The following CTNND2 variants were observed in gnomAD, a reference collection of about 807,000 sequenced individuals.
CTNND2 encodes the protein catenin delta-2.
In CTNND2, 22 loss-of-function variants were observed where a neutral mutation model predicts 144.4. That is an observed-to-expected ratio of 0.15 (90% CI 0.11 to 0.22). The LOEUF (loss-of-function observed/expected upper bound fraction) is 0.22, where lower values mean the gene tolerates loss of function less well. CTNND2 is among the 10% of genes least tolerant of loss of function. The probability of loss-of-function intolerance (pLI) is 1.00; values close to 1 mark genes in which losing one functional copy is unlikely to be tolerated. For synonymous variants in CTNND2, 751 were observed against 695.6 expected (o/e 1.08, Z -1.25); for missense variants, 1,353 against 1,618.8 (o/e 0.84, Z 2.82).
chr5:11,822,514 C>A (rs745473945), intron 1 of CTNND2, among the ~76,000 whole-genome samples: 1 of 151,984 alleles, frequency 6.6e-6, no homozygotes, highest in African/African-American at 2.4e-5. Context: ...AAATAATTTC[C>A]GCATCCTGGT....
intron 2 of CTNND2, among the ~76,000 whole-genome samples, chr5:11,601,685 T>C (rs951388238): frequency 6.6e-6 from 1 of 152,186 alleles, no homozygotes; most frequent in African/African-American, 2.4e-5. Context: ...TGGATTTACA[T>C]AAATTATCAC....
chr5:11,204,609 T>C (rs1737848508), intron 10 of CTNND2, among the ~76,000 whole-genome samples: 1 of 152,188 alleles, frequency 6.6e-6, no homozygotes, highest in Admixed American at 6.5e-5. Flanking sequence ...ATATTGACAA[T>C]AGCATATATT....
At chr5:11,358,741 T>G (rs1178217922) in intron 8 of CTNND2, among the ~76,000 whole-genome samples, 1 of 151,530 alleles carries the variant, frequency 6.6e-6, no homozygotes, top group Non-Finnish European at 1.5e-5. Context: ...AGGATTACGT[T>G]TTTTTTAGAG....
Position 11,228,637 on chromosome 5 carries a change from C to T in CTNND2, c.1761+8054G>A, listed in dbSNP as rs1007572514. On this transcript the variant is annotated intron_variant, in intron 10 of 21. Coordinates refer to ENST00000304623, the MANE Select transcript of CTNND2 (RefSeq NM_001332.4). ...AGTAGCAGGGACTACAGTGGGGCAC[C>T]ACCATGCCCAGCTAATTTTTGCATT... 8.6e-5 allele frequency among the ~76,000 whole-genome samples: 13 copies of T among 152,036 alleles called. 1 individual carries two copies. Among genetic ancestry groups the T allele is most frequent in the Admixed American group, 3.9e-4 (6 of 15,268 alleles).
chr5:11,787,377 A>T (rs1790890682), intron 1 of CTNND2, among the ~76,000 whole-genome samples: 1 of 152,192 alleles, frequency 6.6e-6, no homozygotes, highest in Non-Finnish European at 1.5e-5. Flanking sequence ...CAACACTAAT[A>T]ACTGTAATGC....
At chr5:11,043,291 A>G (rs1414668747) in intron 16 of CTNND2, among the ~76,000 whole-genome samples, 2 of 152,210 alleles carry the variant, frequency 1.3e-5, no homozygotes, top group Non-Finnish European at 1.5e-5. Flanking sequence ...CTCAGGCTAT[A>G]TAATATTGAC....
intron 11 of CTNND2, among the ~76,000 whole-genome samples, chr5:11,181,019 T>G (rs1266263197): frequency 3.3e-5 from 5 of 152,072 alleles, no homozygotes. Context: ...TGGGATGTGT[T>G]TGGGCAGGTT....
intron 3 of CTNND2, among the ~76,000 whole-genome samples, chr5:11,467,971 T>C (rs1766830643): frequency 6.6e-6 from 1 of 152,246 alleles, no homozygotes; most frequent in South Asian, 2.1e-4. Context: ...TATCGTACTG[T>C]TCTTCCTCTT....
intron 3 of CTNND2, among the ~76,000 whole-genome samples, chr5:11,497,911 G>A (rs1173066584): frequency 6.6e-6 from 1 of 152,128 alleles, no homozygotes; most frequent in African/African-American, 2.4e-5. Flanking sequence ...TGGGATGTGA[G>A]AGGATGTGAC....
intron 18 of CTNND2, among the ~76,000 whole-genome samples, 200 bp downstream of exon 18, chr5:11,017,774 G>A (rs950003512): frequency 6.6e-6 from 1 of 151,988 alleles, no homozygotes; most frequent in Admixed American, 6.6e-5. Flanking sequence ...GTGAGCACAG[G>A]TCTGTCCAGT....
At chr5:11,449,314 C>T (rs1340221134) in intron 3 of CTNND2, among the ~76,000 whole-genome samples, 1 of 152,114 alleles carries the variant, frequency 6.6e-6, no homozygotes, top group Non-Finnish European at 1.5e-5. Context: ...ATTAATTGAT[C>T]AACTGTTTCA....
intron 1 of CTNND2, among the ~76,000 whole-genome samples, chr5:11,862,188 A>C (rs1299559487): frequency 6.6e-6 from 1 of 152,244 alleles, no homozygotes; most frequent in Non-Finnish European, 1.5e-5. Context: ...ACCAATTGTT[A>C]GGAAACTTTT....
chr5:11,884,239 G>A (rs562672975), intron 1 of CTNND2, among the ~76,000 whole-genome samples: 2 of 152,278 alleles, frequency 1.3e-5, no homozygotes, highest in South Asian at 4.1e-4. Flanking sequence ...TTTTAGTCAT[G>A]AAGTCTTTGC....
chr5:11,104,958 C>T (rs1322741570), intron 14 of CTNND2, among the ~76,000 whole-genome samples: 1 of 152,228 alleles, frequency 6.6e-6, no homozygotes, highest in Non-Finnish European at 1.5e-5. Context: ...CCACGGGGCC[C>T]GGTGAGCACA....
At chr5:11,852,517 T>C (rs1200071195) in intron 1 of CTNND2, among the ~76,000 whole-genome samples, 2 of 152,060 alleles carry the variant, frequency 1.3e-5, no homozygotes, top group Admixed American at 1.3e-4. Context: ...CACAGCATGA[T>C]GTGAAGGAAA....
intron 13 of CTNND2, among the ~76,000 whole-genome samples, chr5:11,112,003 C>T (rs1025610866): frequency 6.6e-5 from 10 of 152,012 alleles, no homozygotes; most frequent in Non-Finnish European, 1.0e-4. Context: ...CCCGCCACTA[C>T]GCCCAGCTAA....
chr5:11,587,543 AT>A (rs1324780052), intron 2 of CTNND2, among the ~76,000 whole-genome samples: 1 of 152,052 alleles, frequency 6.6e-6, no homozygotes, highest in Non-Finnish European at 1.5e-5. Flanking sequence ...AAATTAAATC[AT>A]TTTTAAGTCA....
intron 9 of CTNND2, among the ~76,000 whole-genome samples, chr5:11,268,153 C>A (rs1194403308): frequency 6.6e-6 from 1 of 152,204 alleles, no homozygotes; most frequent in Non-Finnish European, 1.5e-5. Flanking sequence ...TGCCATGAGG[C>A]ACGGAACATG....
chr5:11,665,017 C>T (rs945085770), intron 2 of CTNND2, among the ~76,000 whole-genome samples: 14 of 152,150 alleles, frequency 9.2e-5, no homozygotes, highest in African/African-American at 3.4e-4. Context: ...GTTTCCATTA[C>T]TCGAGTTGCC....
Sources: allele counts gnomAD v4.1 joint callset (sites outside exome capture counted in the v4.1 genomes callset), GRCh38; gene constraint gnomAD v4.1.1; transcripts MANE v1.5; gene names NCBI Gene and HGNC (gene_info 2026-07-23, HGNC 2026-07-21).